The following MUC4 variants were observed in gnomAD, a reference collection of about 807,000 sequenced individuals.
MUC4 encodes the protein mucin-4.
MUC4 carries 202 observed loss-of-function variants against 257.9 expected under a neutral mutation model. The ratio of observed to expected loss-of-function variants is 0.78; its 90% CI spans 0.70 to 0.88. MUC4 has a LOEUF of 0.88. Ranked by LOEUF, MUC4 falls within the 40% of genes least tolerant of loss-of-function variation. The pLI is 0.00. For missense variants in MUC4, 5,976 were observed against 6,513.7 expected (o/e 0.92, Z 2.84); for synonymous variants, 2,351 against 2,757.1 (o/e 0.85, Z 4.62).
At position 195,783,118 on chromosome 3, in the gene MUC4, T is replaced by A. The variant is rs565169638; in HGVS notation, c.8462A>T (p.Asp2821Val). The change falls in exon 2 of 25, where the codon GAC (aspartate) becomes GTC (valine). Residue 2821 changes from aspartate (D) to valine (V), a missense_variant. Physicochemically the swap from Asp to Val is radical, Grantham distance 152. Coordinates refer to ENST00000463781, the MANE Select transcript of MUC4 (RefSeq NM_018406.7). ...ATGACCTGTGAACACTGAGGAAGCGTCGGTGACAGGAAGAGAGGTGGCGTG... is the reference window on the plus strand; with the variant it reads ...ATGACCTGTGAACACTGAGGAAGCGACGGTGACAGGAAGAGAGGTGGCGTG... ...TGHATSLPVT[D>V]ASSVFTGHAT... is the part of the protein sequence containing the mutation. The A allele has an allele frequency of 2.5e-6, 3 of 1,219,504 alleles. No homozygotes were observed. Among genetic ancestry groups the A allele is most frequent in the African/African-American group, 2.0e-5 (1 of 50,938 alleles). 75.5% of individuals were successfully genotyped at this position (1,219,504 alleles called of 1,614,324 possible). A position where few individuals can be genotyped will look rare whatever the true frequency, so the allele number is the denominator to read the frequency against.
intron 1 of MUC4, among the ~76,000 whole-genome samples, chr3:195,792,209 A>C (rs1733946085): frequency 6.6e-6 from 1 of 152,190 alleles, no homozygotes; most frequent in Non-Finnish European, 1.5e-5. Flanking sequence ...AACCTACAAA[A>C]TGAGAAAATT....
rs915448945 is a variant in MUC4 at position 195,770,539 on chromosome 3, T to G, written c.13243-168A>C. The G allele has an allele frequency of 7.2e-5, 51 of 710,784 alleles. No homozygotes were observed. The African/African-American group carries it at 7.2e-4, about 10-fold the overall frequency. The allele number at this position is 710,784 out of a possible 1,614,324, so 44.0% of individuals were successfully genotyped here. A position where few individuals can be genotyped will look rare whatever the true frequency, so the allele number is the denominator to read the frequency against. On this transcript the variant is annotated intron_variant, in intron 5 of 24. Coordinates refer to ENST00000463781, the MANE Select transcript of MUC4 (RefSeq NM_018406.7). ...TGAGCTTTTCTGAGGTGAAGTTCAA[T>G]TCAAACTTGGGCTGCAGGAAGGCCT...
intron 18 of MUC4, among the ~76,000 whole-genome samples, 154 bp from the exon 19 acceptor site, chr3:195,754,526 G>A (rs532815216): frequency 5.3e-5 from 8 of 152,360 alleles, no homozygotes; most frequent in Admixed American, 2.0e-4. Context: ...TGACCAGGCC[G>A]TGGGGCGGCA....
chr3:195,793,506 A>C (rs1042742928), intron 1 of MUC4, among the ~76,000 whole-genome samples: 8 of 138,726 alleles, frequency 5.8e-5, no homozygotes, highest in Admixed American at 2.1e-4. Context: ...TGTCTCAAAA[A>C]AAAAATAAAT....
chr3:195,794,373 TAGAGAGAGAGAGAGAGAGAAG>T (rs1560409402), intron 1 of MUC4, among the ~76,000 whole-genome samples: 1 of 148,794 alleles, frequency 6.7e-6, no homozygotes, highest in Non-Finnish European at 1.5e-5. Context: ...CATATATATA[TAGAGAGAGAGAGAGAGAGAAG>T]AAAGAGAGAG....
rs111913713 is a variant in MUC4, at chr3:195,784,337, T to G, written c.7243A>C (p.Thr2415Pro). The change falls in exon 2 of 25, where the codon ACC becomes CCC. Residue 2415 changes from threonine (T) to proline (P), a missense_variant. Coordinates refer to ENST00000463781, the MANE Select transcript of MUC4 (RefSeq NM_018406.7). ...GAAAGGCCGGTGACAGGAAGATGGG[T>G]GGCGTGACCTGTGGATGCTGAGGAA... is the stretch of plus-strand genomic sequence containing the variant. The part of the protein sequence containing the change: ...DTSSASTGHA[T>P]HLPVTGLSSA... The G allele has an allele frequency of 0.01, 15,542 of 1,511,712 alleles. 2,887 individuals carry two copies. In the African/African-American group the frequency reaches 0.18, roughly 18 times the overall value. The allele number at this position is 1,511,712 out of a possible 1,614,324, so 93.6% of individuals were successfully genotyped here.
intron 9 of MUC4, 59 bp downstream of exon 9, chr3:195,765,211 G>T: frequency 6.3e-7 from 1 of 1,586,814 alleles, no homozygotes; most frequent in Non-Finnish European, 8.6e-7. Context: ...GGGAGAGGCT[G>T]AGGGCGTGAG....
Position 195,786,943 on chromosome 3 carries a change from G to C in MUC4, c.4637C>G (p.Ser1546Cys). ...AGGAAGAGGGGTGGTGTCACCTGTG[G>C]ATGCTGAGGAAGGGCTAGTGACAGG... ...PLPVTSPSSA[S>C]TGDTTPLPVT... is the part of the protein sequence containing the mutation. Residue 1546 changes from serine to cysteine, a missense_variant, in exon 2 of 25, where the codon TCC (serine) becomes TGC (cysteine). Physicochemically the swap from Ser to Cys is moderately radical, Grantham distance 112. Coordinates refer to ENST00000463781, the MANE Select transcript of MUC4 (RefSeq NM_018406.7). 1 of 918,634 alleles carries C rather than the reference G, an allele frequency of 1.1e-6. No individual in the cohort carries two copies. Among genetic ancestry groups the C allele is most frequent in the Non-Finnish European group, 1.5e-6 (1 of 684,176 alleles). The allele number at this position is 918,634 out of a possible 1,614,324, so 56.9% of individuals were successfully genotyped here.
In MUC4 at chr3:195,789,145, C is replaced by A. The variant is rs1294092008; in HGVS notation, c.2435G>T (p.Gly812Val). The A allele has an allele frequency of 1.9e-6, 3 of 1,613,536 alleles. No individual in the cohort carries two copies. The highest frequency in any genetic ancestry group is 2.5e-6 in the Non-Finnish European group (3 of 1,179,828). Residue 812 changes from glycine to valine, a missense_variant, in exon 2 of 25, where the codon GGC becomes GTC. By Grantham distance (109) the Gly-to-Val change is moderately radical. This residue lies in a region of MUC4 where 1,583 missense variants were observed against 1,257.4 expected (regional missense o/e 1.26). Coordinates refer to ENST00000463781, the MANE Select transcript of MUC4 (RefSeq NM_018406.7). Reference sequence around the variant, plus strand: ...TCCTTCGCTTCCTGAAGGTGTTGTGCCACTCGCCCCGGATGAGGAAGGGGT... The same window carrying A: ...TCCTTCGCTTCCTGAAGGTGTTGTGACACTCGCCCCGGATGAGGAAGGGGT... Reference protein sequence around the residue: ...TATPSSSGASGTTPSGSEGIS... With the variant: ...TATPSSSGASVTTPSGSEGIS...
At chr3:195,801,045 T>C (rs1735241406) in intron 1 of MUC4, among the ~76,000 whole-genome samples, 1 of 152,220 alleles carries the variant, frequency 6.6e-6, no homozygotes, top group Non-Finnish European at 1.5e-5. Flanking sequence ...CTCTTAACAA[T>C]GTTTGTAAGC....
Position 195,753,237 on chromosome 3 carries a change from A to C in MUC4, c.15329-7T>G, listed in dbSNP as rs1001656105. On this transcript the variant is annotated splice_polypyrimidine_tract_variant and splice_region_variant and intron_variant, in intron 19 of 24. Coordinates refer to ENST00000463781, the MANE Select transcript of MUC4 (RefSeq NM_018406.7). The stretch of plus-strand genomic sequence containing the variant: ...AGGAAAGAGCTCCCCAGAGCTGCAG[A>C]GTGAGTAGGGAGGTCAGCAGCAGCG... The C allele has an allele frequency of 1.2e-6, 2 of 1,613,496 alleles. No individual in the cohort carries two copies. The highest frequency in any genetic ancestry group is 4.5e-5 in the East Asian group (2 of 44,804).
At chr3:195,808,721 C>A (rs527772281) in intron 1 of MUC4, among the ~76,000 whole-genome samples, 1 of 152,172 alleles carries the variant, frequency 6.6e-6, no homozygotes, top group Non-Finnish European at 1.5e-5. Context: ...CCTTGCTGGT[C>A]GTTGGCCAAA....
chr3:195,778,567 C>G, intron 2 of MUC4, 112 bp from the exon 3 acceptor site: 1 of 1,427,602 alleles, frequency 7.0e-7, no homozygotes, highest in Non-Finnish European at 9.5e-7. Flanking sequence ...CTCCTTGTCT[C>G]TCCCCTGCTC....
Position 195,807,201 on chromosome 3 carries a change from A to G in MUC4, c.82+4535T>C, listed in dbSNP as rs536195655. ...TCTATGAAGTAGGGCCAGGCACAGT[A>G]GCTCACGCCTATAATCCCAGCACTT... On this transcript the variant is annotated intron_variant, in intron 1 of 24. Coordinates refer to ENST00000463781, the MANE Select transcript of MUC4 (RefSeq NM_018406.7). Among the ~76,000 whole-genome samples the G allele has an allele frequency of 1.7e-3, 258 of 152,322 alleles. 2 individuals are homozygous for G. The highest frequency in any genetic ancestry group is 5.9e-3 in the African/African-American group (246 of 41,582).
In MUC4 at chr3:195,791,483, TGTCCTCTGTG is replaced by T; in HGVS notation, c.87_96del (p.Thr30HisfsTer2). ...GCAGTTTTACTTCCAGTTATTAATGTGTCCTCTGTGGTTCCTGGAGTGAACCAAAATAGGC... is the reference window on the plus strand; with the variant it reads ...GCAGTTTTACTTCCAGTTATTAATGTGTTCCTGGAGTGAACCAAAATAGGC... On this transcript the variant is annotated frameshift_variant, in exon 2 of 25. Coordinates refer to ENST00000463781, the MANE Select transcript of MUC4 (RefSeq NM_018406.7). LOFTEE classifies it high-confidence loss of function. The T allele has an allele frequency of 6.2e-7, 1 of 1,613,364 alleles. No individual in the cohort carries two copies. Among genetic ancestry groups the T allele is most frequent in the Non-Finnish European group, 8.5e-7 (1 of 1,179,424 alleles).
chr3:195,789,674 G>T lies in MUC4; in HGVS notation c.1906C>A (p.Gln636Lys). ...TSPQESPAVS[Q>K]RGHTQAPQTT... ...TGCGGGGCTTGAGTGTGACCCCTTT[G>T]GGAAACAGCTGGTGATTCCTGAGGA... is the stretch of plus-strand genomic sequence containing the variant. The change falls in exon 2 of 25, where the codon CAA (glutamine) becomes AAA (lysine). Residue 636 changes from glutamine (Q) to lysine (K), a missense_variant. Around this residue, in one of 44 missense-constraint regions of MUC4, gnomAD observed 1,583 missense variants for 1,257.4 expected, o/e 1.26. Coordinates refer to ENST00000463781, the MANE Select transcript of MUC4 (RefSeq NM_018406.7). The T allele has an allele frequency of 1.9e-6, 3 of 1,613,972 alleles. No individual in the cohort carries two copies. Among genetic ancestry groups the T allele is most frequent in the South Asian group, 1.1e-5 (1 of 91,082 alleles).
chr3:195,782,550 AGGAAGAGAG>A lies in MUC4; in HGVS notation c.9021_9029del (p.Ser3008_Pro3010del). Reference sequence around the variant, plus strand: ...TGGATATTGAGGAAGTGTCGGTGACAGGAAGAGAGGTGGCGTGACCTATGGATGCTGAGG... The same window carrying A: ...TGGATATTGAGGAAGTGTCGGTGACAGTGGCGTGACCTATGGATGCTGAGG... On this transcript the variant is annotated inframe_deletion, in exon 2 of 25. Coordinates refer to ENST00000463781, the MANE Select transcript of MUC4 (RefSeq NM_018406.7). 1.1e-6 allele frequency: 1 copy of A among 920,462 alleles called. No individual in the cohort carries two copies. Among genetic ancestry groups the A allele is most frequent in the East Asian group, 4.6e-5 (1 of 21,508 alleles). The allele number at this position is 920,462 out of a possible 1,614,324, so 57.0% of individuals were successfully genotyped here. A position where few individuals can be genotyped will look rare whatever the true frequency, so the allele number is the denominator to read the frequency against.
At chr3:195,761,249 T>C in intron 15 of MUC4, 132 bp from the exon 16 acceptor site, 1 of 849,850 alleles carries the variant, frequency 1.2e-6, no homozygotes, top group Non-Finnish European at 1.9e-6. Flanking sequence ...GTTTCCAGCT[T>C]CTGAGTCTAG....
intron 7 of MUC4, among the ~76,000 whole-genome samples, chr3:195,768,794 CA>C (rs1323146114): frequency 6.6e-6 from 1 of 152,188 alleles, no homozygotes; most frequent in African/African-American, 2.4e-5. Context: ...GGAATGATTA[CA>C]ACTCACGGGG....
Sources: allele counts gnomAD v4.1 joint callset (sites outside exome capture counted in the v4.1 genomes callset), GRCh38; gene constraint gnomAD v4.1.1; regional missense constraint gnomAD v4.1.1; transcripts MANE v1.5; gene names NCBI Gene and HGNC (gene_info 2026-07-23, HGNC 2026-07-21).